PREX2: variants seen among roughly 807,000 people sequenced by gnomAD.
PREX2 encodes the protein phosphatidylinositol-3,4,5-trisphosphate dependent Rac exchange factor 2, also known as phosphatidylinositol 3,4,5-trisphosphate-dependent Rac exchanger 2 protein.
PREX2 carries 107 observed loss-of-function variants against 203.2 expected under a neutral mutation model. The ratio of observed to expected loss-of-function variants is 0.53; its 90% CI spans 0.45 to 0.62. PREX2 has a LOEUF of 0.62. Among genes scored for constraint, PREX2 ranks in the 20% least tolerant of loss-of-function variants. The pLI is 0.00. For missense variants in PREX2, 1,777 were observed against 1,955.9 expected, an observed-to-expected ratio of 0.91 and a Z score of 1.72; for synonymous variants, 672 against 663.6, an observed-to-expected ratio of 1.01 and a Z score of -0.19.
chr8:68,035,234 A>G (rs1429003451), intron 6 of PREX2, among the ~76,000 whole-genome samples: 1 of 152,078 alleles, frequency 6.6e-6, no homozygotes, highest in African/African-American at 2.4e-5. Context: ...TTAAAGATTT[A>G]TCTTTGTAAG....
intron 35 of PREX2, among the ~76,000 whole-genome samples, chr8:68,169,427 G>T (rs1457021598): frequency 6.6e-6 from 1 of 152,028 alleles, no homozygotes; most frequent in Non-Finnish European, 1.5e-5. Flanking sequence ...CATAATTGGA[G>T]ATGGAACAGA....
intron 37 of PREX2, among the ~76,000 whole-genome samples, chr8:68,194,396 T>C (rs1812354002): frequency 6.6e-6 from 1 of 152,090 alleles, no homozygotes; most frequent in East Asian, 1.9e-4. Context: ...AGAGAAAAGA[T>C]AGGCAGATTG....
chr8:67,984,747 T>A (rs997245278), intron 1 of PREX2, among the ~76,000 whole-genome samples: 1 of 152,150 alleles, frequency 6.6e-6, no homozygotes, highest in Non-Finnish European at 1.5e-5. Flanking sequence ...AGCTGAGGAC[T>A]CTCGAATGCA....
intron 37 of PREX2, among the ~76,000 whole-genome samples, chr8:68,202,673 T>C (rs892048267): frequency 6.6e-6 from 1 of 151,656 alleles, no homozygotes; most frequent in Non-Finnish European, 1.5e-5. Context: ...TGGTGAGAAA[T>C]AAAGAATAGG....
At position 67,977,669 on chromosome 8, in the gene PREX2, C is replaced by T. The variant is rs74843081; in HGVS notation, c.141+25134C>T. ...AGAGGGTTGGGACTTTTCAGCCCCA[C>T]ACTCAACCTCTGGGGAGGGGAGAGA... On this transcript the variant is annotated intron_variant, in intron 1 of 39. Coordinates refer to ENST00000288368, the MANE Select transcript of PREX2 (RefSeq NM_024870.4). 8.9e-3 allele frequency among the ~76,000 whole-genome samples: 1,354 copies of T among 152,202 alleles called. 16 individuals carry two copies. Among genetic ancestry groups the T allele is most frequent in the African/African-American group, 0.03 (1,236 of 41,508 alleles).
chr8:68,141,261 TCTC>T (rs1158504473), intron 33 of PREX2, among the ~76,000 whole-genome samples: 1 of 152,198 alleles, frequency 6.6e-6, no homozygotes, highest in East Asian at 1.9e-4. Flanking sequence ...CAGCAGGTCT[TCTC>T]CTTTTCAATG....
intron 31 of PREX2, among the ~76,000 whole-genome samples, chr8:68,128,370 TA>T (rs775908019): frequency 6.6e-6 from 1 of 152,118 alleles, no homozygotes; most frequent in East Asian, 1.9e-4. Flanking sequence ...TTGTTGTGTT[TA>T]AAAAAATTCC....
intron 37 of PREX2, among the ~76,000 whole-genome samples, chr8:68,216,245 A>G (rs1262824526): frequency 6.6e-6 from 1 of 152,222 alleles, no homozygotes; most frequent in Non-Finnish European, 1.5e-5. Context: ...AGAGCCTCAT[A>G]ACCAAGAACT....
intron 20 of PREX2, among the ~76,000 whole-genome samples, chr8:68,092,243 C>G (rs940713039): frequency 1.3e-5 from 2 of 152,154 alleles, no homozygotes. Flanking sequence ...AACCAAATCA[C>G]GTGGCCAAGC....
intron 1 of PREX2, among the ~76,000 whole-genome samples, chr8:68,009,192 A>G (rs1218948873): frequency 6.6e-6 from 1 of 152,198 alleles, no homozygotes; most frequent in Non-Finnish European, 1.5e-5. Flanking sequence ...TACACTGCTT[A>G]CATTTCCTTT....
intron 25 of PREX2, chr8:68,111,042 G>T: frequency 3.0e-6 from 1 of 329,456 alleles, no homozygotes; most frequent in South Asian, 2.4e-5. Flanking sequence ...TTATATTTTA[G>T]GATATGATAT....
rs527364392 is a variant in PREX2, at chr8:68,203,486, A to G, written c.4604+10961A>G. 4.8e-4 allele frequency among the ~76,000 whole-genome samples: 73 copies of G among 152,282 alleles called. 1 individual carries two copies. Among genetic ancestry groups the G allele is most frequent in the Middle Eastern group, 3.4e-3 (1 of 294 alleles). ...ACAAATGTGGAGGTGATTAGTACAG[A>G]GAGAGAAAGGGGGATCATGGCAGAG... On this transcript the variant is annotated intron_variant, in intron 37 of 39. Coordinates refer to ENST00000288368, the MANE Select transcript of PREX2 (RefSeq NM_024870.4).
At chr8:68,020,333 CAAAAAA>C (rs67292795) in intron 3 of PREX2, among the ~76,000 whole-genome samples, 6 of 106,090 alleles carry the variant, frequency 5.7e-5, no homozygotes, top group African/African-American at 1.9e-4. Flanking sequence ...GCATTCACAC[CAAAAAA>C]AAAAAAAAAA....
chr8:68,140,374 G>T (rs1478222022), intron 33 of PREX2, among the ~76,000 whole-genome samples: 2 of 152,210 alleles, frequency 1.3e-5, no homozygotes, highest in African/African-American at 2.4e-5. Context: ...AAACAGCGAA[G>T]ATAGGAATAT....
At chr8:68,024,481 G>C (rs1807657661) in intron 4 of PREX2, among the ~76,000 whole-genome samples, 2 of 151,722 alleles carry the variant, frequency 1.3e-5, no homozygotes, top group African/African-American at 4.8e-5. Context: ...TAATATTATA[G>C]CTATGATAGC....
intron 37 of PREX2, among the ~76,000 whole-genome samples, chr8:68,211,968 C>T (rs753097951): frequency 2.1e-4 from 32 of 152,198 alleles, no homozygotes; most frequent in South Asian, 1.0e-3. Flanking sequence ...TGGTAATTTA[C>T]GTAACAAATT....
At chr8:68,105,730 C>CAT (rs35658979) in intron 23 of PREX2, 122 of 157,872 alleles carry the variant, frequency 7.7e-4, no homozygotes, top group Non-Finnish European at 1.1e-3. Flanking sequence ...TATACACACA[C>CAT]ATATATATAT....
chr8:68,102,795 A>G (rs557880468), intron 23 of PREX2: 2 of 517,120 alleles, frequency 3.9e-6, no homozygotes, highest in East Asian at 5.5e-5. Flanking sequence ...TGCAATTATA[A>G]TAGATTTCCT....
At chr8:68,196,587 A>G (rs992602795) in intron 37 of PREX2, among the ~76,000 whole-genome samples, 1 of 151,884 alleles carries the variant, frequency 6.6e-6, no homozygotes, top group African/African-American at 2.4e-5. Flanking sequence ...CCCAAATCTC[A>G]TGTTGAAATG....
Sources: allele counts gnomAD v4.1 joint callset (sites outside exome capture counted in the v4.1 genomes callset), GRCh38; gene constraint gnomAD v4.1.1; transcripts MANE v1.5; gene names NCBI Gene and HGNC (gene_info 2026-07-23, HGNC 2026-07-21).